GASK1A: variants seen among roughly 807,000 people sequenced by gnomAD.
GASK1A encodes the protein golgi associated kinase 1A, also known as Golgi-associated kinase 1A.
Under a neutral mutation model 41.2 loss-of-function variants are expected in GASK1A, and 40 were observed. That is an observed-to-expected ratio of 0.97 (90% CI 0.75 to 1.27). The LOEUF (loss-of-function observed/expected upper bound fraction) is 1.27, where lower values mean the gene tolerates loss of function less well. Ranked by LOEUF, GASK1A falls within the 50% of genes most tolerant of loss-of-function variation. The pLI is 0.00. For synonymous variants in GASK1A, 316 were observed against 307.1 expected, an observed-to-expected ratio of 1.03 and a Z score of -0.30; for missense variants, 678 against 745.1, an observed-to-expected ratio of 0.91 and a Z score of 1.05.
At position 43,056,240 on chromosome 3, in the gene GASK1A, C is replaced by T. The variant is rs1375897879; in HGVS notation, c.1582C>T (p.Leu528=). Residue 528 remains leucine (L), a synonymous_variant, in exon 5 of 5, where the codon CTG becomes TTG. Transcript: ENST00000430121. The part of the protein sequence containing the change: ...GCLQNMLLKS[L]QMDPVFWESQ... Reference sequence around the variant, plus strand: ...TCTACAGAACATGCTGCTGAAGTCGCTGCAGATGGACCCAGTGTTCTGGGA... The same window carrying T: ...TCTACAGAACATGCTGCTGAAGTCGTTGCAGATGGACCCAGTGTTCTGGGA... The T allele has an allele frequency of 6.4e-7, 1 of 1,551,722 alleles. No individual in the cohort carries two copies. The highest frequency in any genetic ancestry group is 1.2e-5 in the South Asian group (1 of 84,062).
chr3:43,002,010 T>G (rs1260872205), intron 1 of GASK1A, among the ~76,000 whole-genome samples: 1 of 152,314 alleles, frequency 6.6e-6, no homozygotes, highest in East Asian at 1.9e-4. Flanking sequence ...TGCTTTTTAT[T>G]ACTAAAAGCT....
chr3:43,044,456 G>A (rs2089652428), intron 2 of GASK1A, among the ~76,000 whole-genome samples: 1 of 152,136 alleles, frequency 6.6e-6, no homozygotes, highest in Non-Finnish European at 1.5e-5. Context: ...AGACTTCTGG[G>A]AACTCTCCAT....
intron 1 of GASK1A, among the ~76,000 whole-genome samples, chr3:43,025,703 T>C (rs1249568079): frequency 2.0e-5 from 3 of 152,184 alleles, no homozygotes; most frequent in Non-Finnish European, 2.9e-5. Flanking sequence ...GTTTGGGTGC[T>C]GTGGCTCCTG....
chr3:42,987,226 C>T (rs1436420042), intron 1 of GASK1A, among the ~76,000 whole-genome samples: 2 of 152,190 alleles, frequency 1.3e-5, no homozygotes, highest in East Asian at 1.9e-4. Context: ...CCTCATTGGC[C>T]GGGGTCGGGT....
chr3:42,989,104 G>A (rs1372166348), intron 1 of GASK1A, among the ~76,000 whole-genome samples: 2 of 152,170 alleles, frequency 1.3e-5, no homozygotes, highest in South Asian at 4.1e-4. Flanking sequence ...TGCAGGAGCC[G>A]CAGTCCCTTT....
chr3:42,993,151 G>A (rs962918810), intron 1 of GASK1A, among the ~76,000 whole-genome samples: 6 of 152,202 alleles, frequency 3.9e-5, no homozygotes, highest in African/African-American at 1.2e-4. Context: ...GCCATATTTA[G>A]TTTGCTTTAA....
At chr3:43,011,842 C>T (rs1030223961) in intron 1 of GASK1A, among the ~76,000 whole-genome samples, 6 of 146,758 alleles carry the variant, frequency 4.1e-5, no homozygotes, top group South Asian at 2.2e-4. Context: ...GGCAGTGTGA[C>T]GTTAGGAAGG....
chr3:43,033,520 G>A lies in GASK1A; in HGVS notation c.1257G>A (p.Trp419Ter). Residue 419 changes from tryptophan to a stop codon, truncating the protein, a stop_gained, in exon 2 of 5, where the codon TGG becomes TGA. Coordinates refer to ENST00000430121, the MANE Select transcript of GASK1A (RefSeq NM_001129908.3). LOFTEE classifies it high-confidence loss of function. ...APCPGIHHTE[W>*]ARLALFDFLL... ...GCCCGGGCATCCACCATACCGAGTG[G>A]GCACGCCTGGCGCTCTTCGACTTCC... The A allele has an allele frequency of 6.5e-7, 1 of 1,545,228 alleles. No homozygotes were observed. The highest frequency in any genetic ancestry group is 8.7e-7 in the Non-Finnish European group (1 of 1,143,286).
rs773192384 is a variant in GASK1A at position 43,033,480 on chromosome 3, C to T, written c.1217C>T (p.Pro406Leu). The change falls in exon 2 of 5, where the codon CCA becomes CTA. Residue 406 changes from proline (P) to leucine (L), a missense_variant. By Grantham distance (98) the Pro-to-Leu change is moderately conservative. Coordinates refer to ENST00000430121, the MANE Select transcript of GASK1A (RefSeq NM_001129908.3). ...QALLAHSCNW[P>L]GQAPCPGIHH... The stretch of plus-strand genomic sequence containing the variant: ...CTGCTGGCACACAGCTGCAACTGGC[C>T]AGGCCAGGCCCCGTGCCCGGGCATC... The T allele has an allele frequency of 2.6e-6, 4 of 1,550,570 alleles. No individual in the cohort carries two copies. The South Asian group carries it at 3.6e-5, about 14-fold the overall frequency.
chr3:42,995,594 C>T (rs2089364892), intron 1 of GASK1A, among the ~76,000 whole-genome samples: 1 of 152,176 alleles, frequency 6.6e-6, no homozygotes. Context: ...TCTCTACCAC[C>T]TCCTGGAGAC....
chr3:43,032,229 C>T, intron 1 of GASK1A, 38 bp from the exon 2 acceptor site: 13 of 1,451,776 alleles, frequency 9.0e-6, no homozygotes, highest in Non-Finnish European at 1.2e-5. Flanking sequence ...TGATGTATTT[C>T]CCAGATCTCA....
intron 1 of GASK1A, among the ~76,000 whole-genome samples, chr3:42,997,437 A>G (rs201019068): frequency 0.084 from 8,881 of 105,976 alleles, 326 homozygotes; most frequent in Admixed American, 0.14. Flanking sequence ...AGACAGAGAG[A>G]GGGGGGGGGG....
chr3:43,038,281 A>G (rs1457183457), intron 2 of GASK1A, among the ~76,000 whole-genome samples: 1 of 152,198 alleles, frequency 6.6e-6, no homozygotes, highest in Admixed American at 6.5e-5. Flanking sequence ...TGTGGTTAAT[A>G]TTGTGCATGT....
intron 1 of GASK1A, among the ~76,000 whole-genome samples, chr3:43,018,941 G>A (rs1423518572): frequency 6.6e-6 from 1 of 152,206 alleles, no homozygotes; most frequent in Non-Finnish European, 1.5e-5. Flanking sequence ...CAGACTGCCT[G>A]GGTTCGTGCC....
chr3:42,983,980 C>T lies in GASK1A; in HGVS notation c.3+4335C>T, dbSNP rs572465533. On this transcript the variant is annotated intron_variant, in intron 1 of 4. Transcript: ENST00000430121. ...TGCTTCAGCTTGGCCTCAAAGATGCCGACATCCTTCCAATAGGTCTGGGAG... is the reference window on the plus strand; with the variant it reads ...TGCTTCAGCTTGGCCTCAAAGATGCTGACATCCTTCCAATAGGTCTGGGAG... 9.9e-5 allele frequency among the ~76,000 whole-genome samples: 15 copies of T among 152,236 alleles called. No individual in the cohort carries two copies. In the South Asian group the frequency reaches 1.9e-3, roughly 19 times the overall value.
intron 1 of GASK1A, among the ~76,000 whole-genome samples, chr3:43,021,041 T>C (rs1038240322): frequency 3.3e-5 from 5 of 152,146 alleles, no homozygotes. Flanking sequence ...GAGCTGCACT[T>C]CCCGGTTGAG....
intron 1 of GASK1A, among the ~76,000 whole-genome samples, chr3:42,991,359 C>T (rs770175981): frequency 4.6e-5 from 7 of 152,108 alleles, no homozygotes; most frequent in African/African-American, 1.4e-4. Flanking sequence ...TACAGAGTCA[C>T]GCAGATATAC....
chr3:42,990,468 A>G (rs1220171389), intron 1 of GASK1A, among the ~76,000 whole-genome samples: 1 of 152,124 alleles, frequency 6.6e-6, no homozygotes, highest in Non-Finnish European at 1.5e-5. Flanking sequence ...CTGTGGTGGA[A>G]GAAGGGAGGA....
At position 43,033,038 on chromosome 3, in the gene GASK1A, C is replaced by T. The variant is rs1268967407; in HGVS notation, c.775C>T (p.Pro259Ser). ...CTCGAGGACTGGTGGGCAGGCTCCC[C>T]CATGGCTGACAGACCACGATGTGCA... Reference protein sequence around the residue: ...SSSRTGGQAPPWLTDHDVQML... With the variant: ...SSSRTGGQAPSWLTDHDVQML... Residue 259 changes from proline (P) to serine (S), a missense_variant, in exon 2 of 5, where the codon CCA becomes TCA. Transcript: ENST00000430121. 35 of 1,551,584 alleles carry T rather than the reference C, an allele frequency of 2.3e-5. No individual in the cohort carries two copies. Among genetic ancestry groups the T allele is most frequent in the Non-Finnish European group, 2.6e-5 (30 of 1,147,006 alleles).
Sources: allele counts gnomAD v4.1 joint callset (sites outside exome capture counted in the v4.1 genomes callset), GRCh38; gene constraint gnomAD v4.1.1; transcripts MANE v1.5; gene names NCBI Gene and HGNC (gene_info 2026-07-23, HGNC 2026-07-21).